MACROD2: variants seen among roughly 807,000 people sequenced by gnomAD.
MACROD2 encodes the protein mono-ADP ribosylhydrolase 2.
In MACROD2, 36 loss-of-function variants were observed where a neutral mutation model predicts 70.4. The observed-to-expected ratio is 0.51, with a 90% CI of 0.39 to 0.68. The LOEUF is 0.68. Ranked by LOEUF, MACROD2 falls within the 30% of genes least tolerant of loss-of-function variation. The pLI, the probability that MACROD2 is intolerant of heterozygous loss-of-function variation, is 0.00. For missense variants in MACROD2, 496 were observed against 538.4 expected (o/e 0.92, Z 0.78); for synonymous variants, 172 against 178.8 (o/e 0.96, Z 0.30).
At position 15,202,606 on chromosome 20, in the gene MACROD2, C is replaced by T. The variant is rs568106760; in HGVS notation, c.419-27334C>T. Among the ~76,000 whole-genome samples, 3 of 152,202 alleles carry T rather than the reference C, an allele frequency of 2.0e-5. No individual in the cohort carries two copies. The South Asian group carries it at 6.2e-4, about 32-fold the overall frequency. ...ATCACATTAACCCAGGAAGAAGCAGCATATAAAAGAAAGGAAAGAAACAAA... is the reference window on the plus strand; with the variant it reads ...ATCACATTAACCCAGGAAGAAGCAGTATATAAAAGAAAGGAAAGAAACAAA... On this transcript the variant is annotated intron_variant, in intron 5 of 17. Transcript: ENST00000684519.
intron 10 of MACROD2, among the ~76,000 whole-genome samples, chr20:15,921,401 G>A (rs772915145): frequency 2.7e-4 from 41 of 152,114 alleles, no homozygotes; most frequent in Non-Finnish European, 3.2e-4. Flanking sequence ...CGGCACTCCC[G>A]CCCCATAGGC....
rs936441702 is a variant in MACROD2 at position 14,923,821 on chromosome 20, G to A, written c.418+238862G>A. On this transcript the variant is annotated intron_variant, in intron 5 of 17. Coordinates refer to ENST00000684519, the MANE Select transcript of MACROD2 (RefSeq NM_001351661.2). ...GGGGGGGGCGGCGGGGCGGGGAGGGGGTGGAGGGTTGGGAAAGAGAAGAAC... is the reference window on the plus strand; with the variant it reads ...GGGGGGGGCGGCGGGGCGGGGAGGGAGTGGAGGGTTGGGAAAGAGAAGAAC... Among the ~76,000 whole-genome samples the A allele has an allele frequency of 4.1e-4, 60 of 147,344 alleles. 1 individual carries two copies. The highest frequency in any genetic ancestry group is 7.5e-4 in the Non-Finnish European group (50 of 66,498).
chr20:15,053,004 A>G (rs969957577), intron 5 of MACROD2, among the ~76,000 whole-genome samples: 1 of 152,226 alleles, frequency 6.6e-6, no homozygotes, highest in Non-Finnish European at 1.5e-5. Context: ...TCCTTAAACC[A>G]AACCCTAATC....
intron 5 of MACROD2, among the ~76,000 whole-genome samples, chr20:14,982,706 C>T (rs886318668): frequency 7.9e-5 from 12 of 152,222 alleles, no homozygotes; most frequent in African/African-American, 2.7e-4. Flanking sequence ...GAACCTCCAA[C>T]TAGATTTCAG....
chr20:16,013,177 T>TA (rs11475960), intron 15 of MACROD2, among the ~76,000 whole-genome samples: 11 of 151,312 alleles, frequency 7.3e-5, no homozygotes, highest in African/African-American at 2.7e-4. Flanking sequence ...AGACTCTGTC[T>TA]AAAAAAAAAA....
At chr20:14,243,891 G>A (rs6042613) in intron 3 of MACROD2, among the ~76,000 whole-genome samples, 90,656 of 152,018 alleles carry the variant, frequency 0.6, 28,843 homozygotes, top group Non-Finnish European at 0.72. Flanking sequence ...TTATCAAGTC[G>A]TAGCAGTCAG....
At chr20:15,313,125 C>T (rs894852396) in intron 6 of MACROD2, among the ~76,000 whole-genome samples, 2 of 152,138 alleles carry the variant, frequency 1.3e-5, no homozygotes, top group South Asian at 2.1e-4. Flanking sequence ...ATCATTTTCT[C>T]CTTAATATAT....
chr20:14,541,581 T>C (rs2085433212), intron 4 of MACROD2, among the ~76,000 whole-genome samples: 1 of 149,084 alleles, frequency 6.7e-6, no homozygotes, highest in South Asian at 2.2e-4. Flanking sequence ...GCCTAGCACA[T>C]GTACACACAG....
At chr20:15,952,610 G>A (rs577170220) in intron 12 of MACROD2, among the ~76,000 whole-genome samples, 5 of 152,094 alleles carry the variant, frequency 3.3e-5, no homozygotes, top group South Asian at 2.1e-4. Context: ...TTACCCTTTC[G>A]CACGTACATC....
chr20:15,454,126 G>A (rs1035326532), intron 7 of MACROD2, among the ~76,000 whole-genome samples: 5 of 152,106 alleles, frequency 3.3e-5, no homozygotes, highest in Admixed American at 6.6e-5. Flanking sequence ...GGAGGCAATT[G>A]TAATAGGTTT....
intron 3 of MACROD2, among the ~76,000 whole-genome samples, chr20:14,231,177 G>T (rs2081808603): frequency 1.3e-5 from 2 of 150,502 alleles, no homozygotes; most frequent in Non-Finnish European, 3.0e-5. Flanking sequence ...TAGGGTACAT[G>T]TGCACAATGT....
intron 5 of MACROD2, among the ~76,000 whole-genome samples, chr20:14,810,011 A>G (rs1394291286): frequency 6.6e-6 from 1 of 152,132 alleles, no homozygotes; most frequent in Non-Finnish European, 1.5e-5. Context: ...CCAGAGGTAC[A>G]AAGAGGAGCC....
chr20:14,449,902 G>A (rs2084226035), intron 3 of MACROD2, among the ~76,000 whole-genome samples: 1 of 152,046 alleles, frequency 6.6e-6, no homozygotes, highest in South Asian at 2.1e-4. Flanking sequence ...ATTAAAAGGA[G>A]CAGTGTAAAT....
chr20:15,028,857 G>A (rs1337707712), intron 5 of MACROD2, among the ~76,000 whole-genome samples: 1 of 152,220 alleles, frequency 6.6e-6, no homozygotes, highest in African/African-American at 2.4e-5. Context: ...TGCAGAGGCA[G>A]GGTACTTAGG....
At chr20:15,724,343 T>C (rs1378296202) in intron 8 of MACROD2, among the ~76,000 whole-genome samples, 1 of 152,236 alleles carries the variant, frequency 6.6e-6, no homozygotes, top group South Asian at 2.1e-4. Flanking sequence ...TGAGTCATTG[T>C]CATACCCAAG....
chr20:15,892,702 T>A (rs1410612838), intron 10 of MACROD2, among the ~76,000 whole-genome samples: 1 of 152,238 alleles, frequency 6.6e-6, no homozygotes, highest in African/African-American at 2.4e-5. Context: ...TCACTAATGT[T>A]ATCTACAAAA....
chr20:15,446,988 G>T (rs2046574433), intron 7 of MACROD2, among the ~76,000 whole-genome samples: 1 of 151,930 alleles, frequency 6.6e-6, no homozygotes, highest in Non-Finnish European at 1.5e-5. Flanking sequence ...TGACTTGAAA[G>T]ACTTTTTAAA....
At chr20:14,836,634 C>T (rs1356757532) in intron 5 of MACROD2, among the ~76,000 whole-genome samples, 1 of 152,042 alleles carries the variant, frequency 6.6e-6, no homozygotes, top group Non-Finnish European at 1.5e-5. Flanking sequence ...CTATACTAGT[C>T]AATCAAATTC....
chr20:14,213,987 A>G (rs906619858), intron 3 of MACROD2, among the ~76,000 whole-genome samples: 5 of 152,100 alleles, frequency 3.3e-5, no homozygotes, highest in South Asian at 2.1e-4. Flanking sequence ...ACTAATTGCT[A>G]TTTTGTGCAC....
Sources: allele counts gnomAD v4.1 joint callset (sites outside exome capture counted in the v4.1 genomes callset), GRCh38; gene constraint gnomAD v4.1.1; transcripts MANE v1.5; gene names NCBI Gene and HGNC (gene_info 2026-07-23, HGNC 2026-07-21).